POC1A: variants seen among roughly 807,000 people sequenced by gnomAD.
POC1A encodes the protein POC1 centriolar protein A, also known as POC1 centriolar protein homolog A.
In POC1A, 34 loss-of-function variants were observed where a neutral mutation model predicts 47.8. The ratio of observed to expected loss-of-function variants is 0.71; its 90% CI spans 0.54 to 0.95. POC1A has a LOEUF of 0.95. Among genes scored for constraint, POC1A ranks in the 40% least tolerant of loss-of-function variants. The pLI, the probability that POC1A is intolerant of heterozygous loss-of-function variation, is 0.00. For missense variants in POC1A, 466 were observed against 528.3 expected (o/e 0.88, Z 1.16); for synonymous variants, 177 against 207.6 (o/e 0.85, Z 1.27).
chr3:52,132,144 A>G (rs1203241291), intron 7 of POC1A, among the ~76,000 whole-genome samples: 1 of 152,212 alleles, frequency 6.6e-6, no homozygotes, highest in East Asian at 1.9e-4. Flanking sequence ...CATGAGGCAG[A>G]CAATGGGATG....
At position 52,125,149 on chromosome 3, in the gene POC1A, C is replaced by G. The variant is rs138210707; in HGVS notation, c.846G>C (p.Thr282=). 1.3e-5 allele frequency: 21 copies of G among 1,613,904 alleles called. No individual in the cohort carries two copies. The highest frequency in any genetic ancestry group is 2.2e-5 in the South Asian group (2 of 91,082). ...GPATTVAFSR[T]GEYFASGGSD... is the part of the protein sequence containing the mutation. ...AGCCTCCAGAAGCAAAATACTCCCC[C>G]GTTCTTGAAAAGGCAACAGTGGTGG... The change falls in exon 8 of 11, where the codon ACG becomes ACC. Residue 282 remains threonine (T), a synonymous_variant. Coordinates refer to ENST00000296484, the MANE Select transcript of POC1A (RefSeq NM_015426.5).
intron 9 of POC1A, among the ~76,000 whole-genome samples, chr3:52,097,196 T>C (rs1406990627): frequency 1.3e-5 from 2 of 152,232 alleles, no homozygotes; most frequent in African/African-American, 4.8e-5. Flanking sequence ...ACAAATGCCT[T>C]TCCCAGGCCC....
In POC1A at chr3:52,125,162, G is replaced by T; in HGVS notation, c.833C>A (p.Ala278Asp). 6.2e-7 allele frequency: 1 copy of T among 1,613,964 alleles called. No homozygotes were observed. Among genetic ancestry groups the T allele is most frequent in the Non-Finnish European group, 8.5e-7 (1 of 1,179,872 alleles). ...AAAATACTCCCCCGTTCTTGAAAAG[G>T]CAACAGTGGTGGCTGGTCCCTGGCA... ...HGHQGPATTV[A>D]FSRTGEYFAS... Residue 278 changes from alanine to aspartate, a missense_variant, in exon 8 of 11, where the codon GCC (alanine) becomes GAC (aspartate). Coordinates refer to ENST00000296484, the MANE Select transcript of POC1A (RefSeq NM_015426.5).
At chr3:52,122,622 G>A (rs1288528402) in intron 8 of POC1A, 145 bp from the exon 9 acceptor site, 20 of 638,694 alleles carry the variant, frequency 3.1e-5, no homozygotes, top group Admixed American at 1.2e-4. Context: ...ACTCAATTCC[G>A]GGACCTACCC....
At chr3:52,076,111 C>T in intron 10 of POC1A, 126 bp from the exon 11 acceptor site, 1 of 697,680 alleles carries the variant, frequency 1.4e-6, no homozygotes, top group East Asian at 2.7e-5. Context: ...TCTTTCCACC[C>T]AGGGGTTCTG....
chr3:52,098,137 G>C (rs943790484), intron 9 of POC1A, among the ~76,000 whole-genome samples: 1 of 152,182 alleles, frequency 6.6e-6, no homozygotes, highest in Non-Finnish European at 1.5e-5. Flanking sequence ...CAAACGGCTG[G>C]GCTGTGAGAG....
chr3:52,099,387 C>T (rs1702922878), intron 9 of POC1A, among the ~76,000 whole-genome samples: 1 of 152,182 alleles, frequency 6.6e-6, no homozygotes, highest in Non-Finnish European at 1.5e-5. Flanking sequence ...AAGAAAATGA[C>T]ACACAAGAGT....
chr3:52,092,138 C>T (rs1268242257), intron 10 of POC1A, among the ~76,000 whole-genome samples: 2 of 152,204 alleles, frequency 1.3e-5, no homozygotes, highest in South Asian at 2.1e-4. Context: ...ACCAGTGATG[C>T]CCCAAACAGC....
chr3:52,149,486 C>A, intron 3 of POC1A, 97 bp from the exon 4 acceptor site: 1 of 1,144,346 alleles, frequency 8.7e-7, no homozygotes, highest in African/African-American at 1.5e-5. Flanking sequence ...GCACCCCTCC[C>A]AAAGTCAGTC....
At chr3:52,120,917 C>A (rs146291553) in intron 9 of POC1A, among the ~76,000 whole-genome samples, 1 of 152,240 alleles carries the variant, frequency 6.6e-6, no homozygotes, top group East Asian at 1.9e-4. Flanking sequence ...ATGGGATTCT[C>A]CCCCAGCTGG....
chr3:52,124,105 A>G (rs1703902604), intron 8 of POC1A, among the ~76,000 whole-genome samples: 1 of 152,248 alleles, frequency 6.6e-6, no homozygotes, highest in South Asian at 2.1e-4. Context: ...GTATAGGCCA[A>G]TAGGACTTTT....
chr3:52,098,972 T>G (rs1009496129), intron 9 of POC1A, among the ~76,000 whole-genome samples: 1 of 152,254 alleles, frequency 6.6e-6, no homozygotes, highest in African/African-American at 2.4e-5. Context: ...AATTGGGATC[T>G]GAACCCAAAG....
chr3:52,091,148 G>A lies in POC1A; in HGVS notation c.1125+5421C>T, dbSNP rs181704335. 1.5e-3 allele frequency among the ~76,000 whole-genome samples: 233 copies of A among 152,200 alleles called. 4 individuals carry two copies. Among genetic ancestry groups the A allele is most frequent in the African/African-American group, 4.9e-3 (203 of 41,520 alleles). ...ACCCCAGGGCAGCCACAGGACAGGC[G>A]TGTGCTCTCTCCAGAGGGGATAGGG... On this transcript the variant is annotated intron_variant, in intron 10 of 10. Coordinates refer to ENST00000296484, the MANE Select transcript of POC1A (RefSeq NM_015426.5).
At chr3:52,085,069 G>A (rs1702413790) in intron 10 of POC1A, among the ~76,000 whole-genome samples, 1 of 152,224 alleles carries the variant, frequency 6.6e-6, no homozygotes, top group South Asian at 2.1e-4. Flanking sequence ...GGCAGCAGCT[G>A]GGTGAAGCCT....
At chr3:52,082,514 A>G (rs747681512) in intron 10 of POC1A, among the ~76,000 whole-genome samples, 25 of 152,260 alleles carry the variant, frequency 1.6e-4, no homozygotes, top group Non-Finnish European at 3.4e-4. Flanking sequence ...CTCTCCAAGG[A>G]AAATCCCCCC....
At chr3:52,083,821 T>G (rs1178668388) in intron 10 of POC1A, among the ~76,000 whole-genome samples, 2 of 152,188 alleles carry the variant, frequency 1.3e-5, no homozygotes, top group African/African-American at 2.4e-5. Flanking sequence ...GGAAGGCCTC[T>G]GGGAGAAAGC....
intron 7 of POC1A, among the ~76,000 whole-genome samples, chr3:52,136,386 C>T (rs766379032): frequency 2.6e-5 from 4 of 152,154 alleles, no homozygotes; most frequent in Non-Finnish European, 5.9e-5. Context: ...CAGCCTAACT[C>T]GTCTCATGCT....
intron 1 of POC1A, among the ~76,000 whole-genome samples, chr3:52,151,412 C>CA (rs1372484273): frequency 1.3e-5 from 2 of 151,692 alleles, no homozygotes; most frequent in African/African-American, 4.8e-5. Context: ...ATGAATAATC[C>CA]AAAAAATAAA....
intron 1 of POC1A, 95 bp from the exon 2 acceptor site, chr3:52,151,195 T>A: frequency 6.4e-7 from 1 of 1,567,788 alleles, no homozygotes; most frequent in Non-Finnish European, 8.6e-7. Context: ...GGGAGTAGGG[T>A]TAAAAATGCT....
Sources: gnomAD v4.1 joint callset for allele counts (sites outside exome capture counted in the v4.1 genomes callset) on GRCh38, gnomAD v4.1.1 for gene constraint, MANE v1.5 for transcripts, NCBI Gene and HGNC (gene_info 2026-07-23, HGNC 2026-07-21) for gene names.